EYS: variants seen among roughly 807,000 people sequenced by gnomAD.
EYS encodes the protein protein eyes shut homolog.
EYS carries 250 observed loss-of-function variants against 282.1 expected under a neutral mutation model. The ratio of observed to expected loss-of-function variants is 0.89; its 90% confidence interval spans 0.80 to 0.98. The LOEUF (loss-of-function observed/expected upper bound fraction) is 0.98. Among genes scored for constraint, EYS ranks in the 50% least tolerant of loss-of-function variants. The probability of loss-of-function intolerance (pLI) is 0.00; values close to 1 mark genes in which losing one functional copy is unlikely to be tolerated. For synonymous variants in EYS, 1,355 were observed against 1,282.9 expected, an observed-to-expected ratio of 1.06 and a Z score of -1.20; for missense variants, 4,016 against 3,709.0, an observed-to-expected ratio of 1.08 and a Z score of -2.15.
At chr6:64,796,161 A>C (rs897142456) in intron 22 of EYS, among the ~76,000 whole-genome samples, 1 of 152,194 alleles carries the variant, frequency 6.6e-6, no homozygotes, top group African/African-American at 2.4e-5. Flanking sequence ...CCTATATCCA[A>C]CTTACATAAT....
At chr6:65,332,554 T>C (rs535535111) in intron 11 of EYS, 2 of 704,634 alleles carry the variant, frequency 2.8e-6, no homozygotes, top group East Asian at 2.8e-5. Flanking sequence ...TACAGAGGGT[T>C]TATAGTGCTA....
intron 36 of EYS, among the ~76,000 whole-genome samples, chr6:63,807,451 A>G (rs1770935667): frequency 6.6e-6 from 1 of 152,236 alleles, no homozygotes; most frequent in South Asian, 2.1e-4. Flanking sequence ...TATACAGCAA[A>G]TAATTTAGGA....
intron 41 of EYS, among the ~76,000 whole-genome samples, chr6:63,747,386 T>C (rs1214857158): frequency 1.2e-4 from 18 of 152,230 alleles, no homozygotes; most frequent in Admixed American, 1.2e-3. Flanking sequence ...AATTTTAGAA[T>C]AAATGCGATG....
At chr6:64,444,101 A>C (rs543832443) in intron 26 of EYS, among the ~76,000 whole-genome samples, 3 of 138,908 alleles carry the variant, frequency 2.2e-5, no homozygotes, top group Admixed American at 1.4e-4. Flanking sequence ...CTCTCATGAA[A>C]TTAGGGGTAA....
intron 2 of EYS, among the ~76,000 whole-genome samples, chr6:65,605,111 C>T (rs964533336): frequency 1.3e-5 from 2 of 150,736 alleles, no homozygotes; most frequent in African/African-American, 4.9e-5. Context: ...TCCCAAATTG[C>T]TGAGATTACA....
At chr6:64,727,933 A>T (rs767601669) in intron 22 of EYS, among the ~76,000 whole-genome samples, 1 of 152,190 alleles carries the variant, frequency 6.6e-6, no homozygotes, top group Non-Finnish European at 1.5e-5. Context: ...TTCTAATTCT[A>T]TCTGAAGATA....
chr6:65,162,503 A>G (rs1194622341), intron 12 of EYS, among the ~76,000 whole-genome samples: 1 of 151,242 alleles, frequency 6.6e-6, no homozygotes, highest in Non-Finnish European at 1.5e-5. Flanking sequence ...TGATATTTTA[A>G]TATTAGACAC....
intron 12 of EYS, among the ~76,000 whole-genome samples, chr6:65,147,345 T>C (rs187007725): frequency 2.3e-4 from 35 of 152,146 alleles, no homozygotes; most frequent in Non-Finnish European, 4.3e-4. Context: ...TAATGGAACA[T>C]ATTTTTTATA....
chr6:65,198,563 T>C (rs1390595864), intron 12 of EYS, among the ~76,000 whole-genome samples: 2 of 152,048 alleles, frequency 1.3e-5, no homozygotes, highest in African/African-American at 2.4e-5. Context: ...GACATTAAGA[T>C]TGATACAATT....
chr6:64,573,515 T>G (rs976133226), intron 26 of EYS, among the ~76,000 whole-genome samples: 1 of 152,160 alleles, frequency 6.6e-6, no homozygotes, highest in African/African-American at 2.4e-5. Context: ...GAGAAAAGTT[T>G]TCCATTCAAT....
At chr6:64,021,734 C>T (rs551146141) in intron 33 of EYS, among the ~76,000 whole-genome samples, 2 of 152,264 alleles carry the variant, frequency 1.3e-5, no homozygotes, top group Admixed American at 1.3e-4. Flanking sequence ...TAGTCCAAGT[C>T]TCCCTCCCAC....
At chr6:64,285,662 T>C (rs1293138153) in intron 30 of EYS, among the ~76,000 whole-genome samples, 3 of 152,196 alleles carry the variant, frequency 2.0e-5, no homozygotes, top group Non-Finnish European at 4.4e-5. Context: ...ACATACCTGA[T>C]ACTGGGAAGA....
At chr6:64,269,798 A>G (rs1016013116) in intron 30 of EYS, among the ~76,000 whole-genome samples, 2 of 152,030 alleles carry the variant, frequency 1.3e-5, no homozygotes, top group African/African-American at 4.8e-5. Context: ...ATATTTTTAT[A>G]TTTTTAATAC....
At chr6:63,753,629 TGG>T (rs911168414) in intron 41 of EYS, among the ~76,000 whole-genome samples, 3 of 152,086 alleles carry the variant, frequency 2.0e-5, no homozygotes, top group African/African-American at 7.2e-5. Flanking sequence ...AAGAATAGCA[TGG>T]GGAAAACTGC....
Position 65,495,138 on chromosome 6 carries a change from A to G in EYS, c.273T>C (p.Ser91=). Residue 91 remains serine (S), a synonymous_variant, in exon 4 of 43, where the codon TCT becomes TCC. Coordinates refer to ENST00000503581, the MANE Select transcript of EYS (RefSeq NM_001142800.2). ...CTGGAAATTGAAGAGATGGTTCAGA[A>G]GAAATTACAAGGATATCTCCTAATT... ...QIQLGDILVI[S]SEPSLQFPEI... 1 of 1,614,096 alleles carries G rather than the reference A, an allele frequency of 6.2e-7. No homozygotes were observed. Among genetic ancestry groups the G allele is most frequent in the African/African-American group, 1.3e-5 (1 of 75,042 alleles).
intron 12 of EYS, among the ~76,000 whole-genome samples, chr6:65,160,675 C>T (rs903285771): frequency 2.7e-5 from 4 of 150,728 alleles, no homozygotes; most frequent in South Asian, 2.1e-4. Flanking sequence ...GTTCATCCCA[C>T]GTTAAAGATG....
rs938225076 is a variant in EYS, at chr6:64,916,775, G to T, written c.2382-4032C>A. Among the ~76,000 whole-genome samples the T allele has an allele frequency of 3.3e-5, 5 of 152,096 alleles. 1 individual carries two copies. The highest frequency in any genetic ancestry group is 5.9e-5 in the Non-Finnish European group (4 of 68,008). On this transcript the variant is annotated intron_variant, in intron 15 of 42. Coordinates refer to ENST00000503581, the MANE Select transcript of EYS (RefSeq NM_001142800.2). ...TAAACACTTGAAAACAAGTAAGTGCGTGCCTAAAGATAGGTTAATACATTC... is the reference window on the plus strand; with the variant it reads ...TAAACACTTGAAAACAAGTAAGTGCTTGCCTAAAGATAGGTTAATACATTC...
At chr6:64,786,718 C>T (rs1055041126) in intron 22 of EYS, among the ~76,000 whole-genome samples, 3 of 152,146 alleles carry the variant, frequency 2.0e-5, no homozygotes, top group Admixed American at 6.5e-5. Context: ...AATCTTACAC[C>T]CTTCTTTAAA....
At chr6:65,026,233 T>A (rs1347156819) in intron 13 of EYS, among the ~76,000 whole-genome samples, 1 of 152,216 alleles carries the variant, frequency 6.6e-6, no homozygotes, top group Admixed American at 6.5e-5. Context: ...GGGTTATTAT[T>A]AGGCAAACAT....
Sources: allele counts gnomAD v4.1 joint callset (sites outside exome capture counted in the v4.1 genomes callset), GRCh38; gene constraint gnomAD v4.1.1; transcripts MANE v1.5; gene names NCBI Gene and HGNC (gene_info 2026-07-23, HGNC 2026-07-21).